ITGAX: variants seen among roughly 807,000 people sequenced by gnomAD.
ITGAX encodes integrin alpha-X.
Under a neutral mutation model 140.2 loss-of-function variants are expected in ITGAX, and 99 were observed. The observed-to-expected ratio is 0.71, with a 90% CI of 0.60 to 0.83. The LOEUF is 0.83. Ranked by LOEUF, ITGAX falls within the 40% of genes least tolerant of loss-of-function variation. The pLI, the probability that ITGAX is intolerant of heterozygous loss-of-function variation, is 0.00. For missense variants in ITGAX, 1,444 were observed against 1,482.0 expected, an observed-to-expected ratio of 0.97 and a Z score of 0.42; for synonymous variants, 631 against 600.4, an observed-to-expected ratio of 1.05 and a Z score of -0.75.
chr16:31,372,279 G>A (rs1474096016), intron 17 of ITGAX, 99 bp from the exon 18 acceptor site: 30 of 1,436,330 alleles, frequency 2.1e-5, no homozygotes, highest in Admixed American at 2.4e-5. Flanking sequence ...CTGAAGCCGC[G>A]CGGGAGCTGG....
intron 1 of ITGAX, 52 bp downstream of exon 1, chr16:31,355,343 C>A (rs770849465): frequency 6.2e-7 from 1 of 1,602,680 alleles, no homozygotes; most frequent in Non-Finnish European, 8.5e-7. Context: ...CCAAGGGAGC[C>A]AGGGCCCTGA....
At chr16:31,362,361 A>AG (rs60020095) in intron 11 of ITGAX, among the ~76,000 whole-genome samples, 157 bp downstream of exon 11, 41,036 of 53,794 alleles carry the variant, frequency 0.76, 14,876 homozygotes, top group African/African-American at 0.85. Flanking sequence ...GGTGGGTTCC[A>AG]GGTTCTGGGG....
chr16:31,376,979 C>T (rs1176762205), intron 21 of ITGAX, 21 bp from the exon 22 acceptor site: 1 of 1,613,982 alleles, frequency 6.2e-7, no homozygotes, highest in Admixed American at 1.7e-5. Flanking sequence ...GCTCTGTGAC[C>T]TCTCAGTTCC....
intron 19 of ITGAX, among the ~76,000 whole-genome samples, chr16:31,373,020 G>C (rs940392671): frequency 2.0e-5 from 3 of 152,018 alleles, no homozygotes; most frequent in Non-Finnish European, 4.4e-5. Flanking sequence ...TTGAGCTCTG[G>C]AGTTGGAGGC....
chr16:31,373,529 G>A, intron 20 of ITGAX, 139 bp downstream of exon 20: 5 of 832,096 alleles, frequency 6.0e-6, no homozygotes, highest in Non-Finnish European at 8.6e-6. Flanking sequence ...TCAACTTTGG[G>A]CATCGCAGTT....
intron 20 of ITGAX, among the ~76,000 whole-genome samples, chr16:31,374,033 A>G (rs2080997191): frequency 6.6e-6 from 1 of 152,196 alleles, no homozygotes; most frequent in South Asian, 2.1e-4. Flanking sequence ...TCACGCCTGT[A>G]ATCCCAGGAC....
intron 2 of ITGAX, 51 bp downstream of exon 2, chr16:31,356,049 C>G (rs1253563492): frequency 7.4e-7 from 1 of 1,357,290 alleles, no homozygotes; most frequent in African/African-American, 1.4e-5. Context: ...TCTCCCTGCT[C>G]AGGGCCCCAT....
intron 14 of ITGAX, 101 bp downstream of exon 14, chr16:31,363,475 C>A: frequency 7.4e-7 from 1 of 1,351,712 alleles, no homozygotes. Flanking sequence ...TCCTACCTCC[C>A]TTGCCCAGCT....
chr16:31,356,865 C>T (rs902388272), intron 3 of ITGAX, 137 bp downstream of exon 3: 14 of 812,460 alleles, frequency 1.7e-5, no homozygotes, highest in Middle Eastern at 3.6e-4. Context: ...CTTCCTGGCC[C>T]CTTAAGGCCT....
At chr16:31,361,408 G>T in intron 9 of ITGAX, 195 bp downstream of exon 9, 1 of 715,348 alleles carries the variant, frequency 1.4e-6, no homozygotes, top group Non-Finnish European at 2.4e-6. Flanking sequence ...AGTGGCCCCA[G>T]GGATGGCCCT....
rs551919887 is a variant in ITGAX at position 31,373,328 on chromosome 16, G to A, written c.2446G>A (p.Gly816Arg). Residue 816 changes from glycine (G) to arginine (R), a missense_variant, in exon 20 of 30, where the codon GGA becomes AGA. By Grantham distance (125) the Gly-to-Arg change is moderately radical. Coordinates refer to ENST00000268296, the MANE Select transcript of ITGAX (RefSeq NM_000887.5). Reference sequence around the variant, plus strand: ...GTGGAATGACGGGGAAGACTCCTACGGAACCACCATCACCTTCTCCCACCC... The same window carrying A: ...GTGGAATGACGGGGAAGACTCCTACAGAACCACCATCACCTTCTCCCACCC... The part of the protein sequence containing the change: ...MVWNDGEDSY[G>R]TTITFSHPAG... 6.7e-5 allele frequency: 108 copies of A among 1,613,684 alleles called. No homozygotes were observed. The Middle Eastern group carries it at 6.9e-4, about 10-fold the overall frequency.
At chr16:31,379,926 C>G in intron 25 of ITGAX, 56 bp from the exon 26 acceptor site, 2 of 1,606,902 alleles carry the variant, frequency 1.2e-6, no homozygotes, top group Non-Finnish European at 1.7e-6. Flanking sequence ...TCCTTGTGCC[C>G]CATGTGGGTC....
At chr16:31,377,661 G>C (rs1169613876) in intron 23 of ITGAX, among the ~76,000 whole-genome samples, 1 of 152,182 alleles carries the variant, frequency 6.6e-6, no homozygotes, top group African/African-American at 2.4e-5. Flanking sequence ...CGTGTGCTGG[G>C]GTGTGCCCCA....
At position 31,361,181 on chromosome 16, in the gene ITGAX, A is replaced by T. The variant is rs2080820731; in HGVS notation, c.980A>T (p.Asn327Ile). 1 of 1,613,410 alleles carries T rather than the reference A, an allele frequency of 6.2e-7. No individual in the cohort carries two copies. Among genetic ancestry groups the T allele is most frequent in the Non-Finnish European group, 8.5e-7 (1 of 1,179,636 alleles). Residue 327 changes from asparagine (N) to isoleucine (I), a missense_variant, in exon 9 of 30, where the codon AAC becomes ATC. Transcript: ENST00000268296. ...EDFDALKDIQ[N>I]QLKEKIFAIE... ...TTTGATGCTCTGAAAGATATTCAAA[A>T]CCAACTGAAGGAGAAGATCTTTGCC...
chr16:31,380,847 TG>T, intron 28 of ITGAX, 49 bp from the exon 29 acceptor site: 1 of 1,527,664 alleles, frequency 6.5e-7, no homozygotes, highest in African/African-American at 1.4e-5. Context: ...GGGAGGAGTC[TG>T]GGATAGTAGG....
chr16:31,360,251 G>A, intron 7 of ITGAX, 59 bp from the exon 8 acceptor site: 1 of 1,542,292 alleles, frequency 6.5e-7, no homozygotes, highest in South Asian at 1.2e-5. Context: ...TTTCACAAGG[G>A]CACCAGGGGC....
At chr16:31,361,477 T>C in intron 9 of ITGAX, 1 of 667,346 alleles carries the variant, frequency 1.5e-6, no homozygotes, top group Non-Finnish European at 2.7e-6. Flanking sequence ...CAAAAAGCAG[T>C]GCCAGGCCCA....
chr16:31,379,407 G>A (rs889028559), intron 23 of ITGAX, among the ~76,000 whole-genome samples, 161 bp from the exon 24 acceptor site: 7 of 152,216 alleles, frequency 4.6e-5, no homozygotes, highest in African/African-American at 9.6e-5. Context: ...CTGAGCCACC[G>A]CGCCTGGCCT....
In ITGAX at chr16:31,376,823, C is replaced by T. The variant is rs774961121; in HGVS notation, c.2533C>T (p.His845Tyr). 1.9e-6 allele frequency: 3 copies of T among 1,614,112 alleles called. No homozygotes were observed. Among genetic ancestry groups the T allele is most frequent in the Non-Finnish European group, 2.5e-6 (3 of 1,180,050 alleles). The change falls in exon 21 of 30, where the codon CAC (histidine) becomes TAC (tyrosine). Residue 845 changes from histidine to tyrosine, a missense_variant. By Grantham distance (83) the His-to-Tyr change is moderately conservative. Coordinates refer to ENST00000268296, the MANE Select transcript of ITGAX (RefSeq NM_000887.5). ...GAAACAAGGGCAGCTGCGTTCCCTG[C>T]ACCTGACATGTGACAGCGCCCCAGT... is the stretch of plus-strand genomic sequence containing the variant. ...GQKQGQLRSL[H>Y]LTCDSAPVGS...
Sources: gnomAD v4.1 joint callset for allele counts (sites outside exome capture counted in the v4.1 genomes callset) on GRCh38, gnomAD v4.1.1 for gene constraint, MANE v1.5 for transcripts, NCBI Gene and HGNC (gene_info 2026-07-23, HGNC 2026-07-21) for gene names.